STXBP5: variants seen among roughly 807,000 people sequenced by gnomAD.
STXBP5 encodes syntaxin binding protein 5.
Under a neutral mutation model 152.4 loss-of-function variants are expected in STXBP5, and 50 were observed. That is an observed-to-expected ratio of 0.33 (90% CI 0.26 to 0.42). The LOEUF is 0.42. STXBP5 is among the 10% of genes least tolerant of loss of function. STXBP5 has a pLI of 1.00. For missense variants in STXBP5, 1,167 were observed against 1,388.6 expected, an observed-to-expected ratio of 0.84 and a Z score of 2.54; for synonymous variants, 492 against 494.7, an observed-to-expected ratio of 0.99 and a Z score of 0.07.
At chr6:147,345,362 A>T (rs1784279166) in intron 21 of STXBP5, among the ~76,000 whole-genome samples, 1 of 152,202 alleles carries the variant, frequency 6.6e-6, no homozygotes, top group Admixed American at 6.5e-5. Flanking sequence ...TAAAATACAT[A>T]CGATACATGA....
At chr6:147,353,214 C>A in intron 21 of STXBP5, 109 bp from the exon 22 acceptor site, 1 of 617,442 alleles carries the variant, frequency 1.6e-6, no homozygotes, top group Non-Finnish European at 2.7e-6. Flanking sequence ...TTATTTATCT[C>A]GGCATCTAGA....
chr6:147,344,464 A>T (rs1227292853), intron 21 of STXBP5, among the ~76,000 whole-genome samples: 1 of 152,208 alleles, frequency 6.6e-6, no homozygotes, highest in African/African-American at 2.4e-5. Context: ...ACCACAAAAT[A>T]CCACAGACTG....
intron 2 of STXBP5, among the ~76,000 whole-genome samples, chr6:147,210,825 T>C (rs925271121): frequency 6.6e-6 from 1 of 152,220 alleles, no homozygotes; most frequent in Non-Finnish European, 1.5e-5. Context: ...ATTACATTAT[T>C]ATTATAATAC....
chr6:147,219,029 T>C (rs1049539132), intron 2 of STXBP5, among the ~76,000 whole-genome samples: 1 of 152,106 alleles, frequency 6.6e-6, no homozygotes, highest in Non-Finnish European at 1.5e-5. Context: ...TTGTTTCTGA[T>C]TGTAGTGGAG....
chr6:147,250,969 C>CAAA (rs887963991), intron 4 of STXBP5, among the ~76,000 whole-genome samples: 624 of 50,960 alleles, frequency 0.012, 4 homozygotes, highest in East Asian at 0.059. Flanking sequence ...ACCTTGTCTC[C>CAAA]AAAAAAAAAA....
intron 16 of STXBP5, among the ~76,000 whole-genome samples, chr6:147,320,663 T>C (rs1386045788): frequency 6.6e-6 from 1 of 152,030 alleles, no homozygotes; most frequent in Non-Finnish European, 1.5e-5. Flanking sequence ...ATGCAAATTC[T>C]TACTAACTTT....
chr6:147,372,817 C>G (rs1023674814), intron 25 of STXBP5, among the ~76,000 whole-genome samples: 1 of 152,018 alleles, frequency 6.6e-6, no homozygotes, highest in Non-Finnish European at 1.5e-5. Flanking sequence ...GTCTTTTCTC[C>G]TTTTATCATT....
chr6:147,272,942 G>T (rs1780248234), intron 7 of STXBP5, among the ~76,000 whole-genome samples: 1 of 151,948 alleles, frequency 6.6e-6, no homozygotes, highest in Non-Finnish European at 1.5e-5. Flanking sequence ...TAGATTTTGT[G>T]TGCTTGGATA....
In STXBP5 at chr6:147,267,110, A is replaced by C. The variant is rs763927474; in HGVS notation, c.657A>C (p.Thr219=). ...GKLLIGFESG[T]VVLWDLKSKK... ...TTTTGATTGGCTTTGAATCTGGAAC[A>C]GTAGTTTTATGGGACCTCAAATCAA... Residue 219 remains threonine, a synonymous_variant, in exon 7 of 28, where the codon ACA becomes ACC. Transcript: ENST00000321680. The C allele has an allele frequency of 6.2e-7, 1 of 1,611,600 alleles. No individual in the cohort carries two copies. The highest frequency in any genetic ancestry group is 1.3e-5 in the African/African-American group (1 of 74,724).
chr6:147,213,467 TGTGTGTGTGTGC>T (rs1776980464), intron 2 of STXBP5, among the ~76,000 whole-genome samples: 2 of 121,636 alleles, frequency 1.6e-5, no homozygotes, highest in African/African-American at 5.7e-5. Context: ...TGTGTGTGTG[TGTGTGTGTGTGC>T]GCGCGCATAT....
chr6:147,237,146 C>T (rs989728755), intron 3 of STXBP5, among the ~76,000 whole-genome samples: 6 of 152,040 alleles, frequency 3.9e-5, no homozygotes, highest in South Asian at 2.1e-4. Flanking sequence ...TAATAAAATG[C>T]GGTAAATCAT....
In STXBP5 at chr6:147,368,598, G is replaced by A. The variant is rs564145992; in HGVS notation, c.3081+4432G>A. Among the ~76,000 whole-genome samples, 109 of 152,192 alleles carry A rather than the reference G, an allele frequency of 7.2e-4. 2 individuals are homozygous for A. Among genetic ancestry groups the A allele is most frequent in the African/African-American group, 2.6e-3 (107 of 41,542 alleles). Reference sequence around the variant, plus strand: ...TGTTCACTCTCACCACTTACATTCAGTGTTGTAGTTAAGGTTCTAACCAGT... The same window carrying A: ...TGTTCACTCTCACCACTTACATTCAATGTTGTAGTTAAGGTTCTAACCAGT... On this transcript the variant is annotated intron_variant, in intron 25 of 27. Coordinates refer to ENST00000321680, the MANE Select transcript of STXBP5 (RefSeq NM_001127715.4).
chr6:147,278,060 G>A (rs1350652151), intron 7 of STXBP5, 21 bp from the exon 8 acceptor site: 1 of 1,585,622 alleles, frequency 6.3e-7, no homozygotes, highest in Admixed American at 1.8e-5. Flanking sequence ...TTTTTAAATG[G>A]TATTTTTCAT....
Position 147,387,668 on chromosome 6 carries a change from TATTACTAACTTCTCC to T in STXBP5, c.*2917_*2931del, listed in dbSNP as rs1279838397. 6.6e-6 allele frequency: 1 copy of T among 151,868 alleles called. No individual in the cohort carries two copies. 9.4% of individuals were successfully genotyped at this position (151,868 alleles called of 1,614,324 possible). On this transcript the variant is annotated 3_prime_UTR_variant, in exon 28 of 28. Coordinates refer to ENST00000321680, the MANE Select transcript of STXBP5 (RefSeq NM_001127715.4). ...AAAATGGTTATAGATTCGACTGAGC[TATTACTAACTTCTCC>T]ATTTGATTTTTTATGGATGTGAAAA... is the stretch of plus-strand genomic sequence containing the variant.
chr6:147,364,027 A>T lies in STXBP5; in HGVS notation c.2942A>T (p.Asp981Val). The change falls in exon 25 of 28, where the codon GAT becomes GTT. Residue 981 changes from aspartate to valine, a missense_variant. Coordinates refer to ENST00000321680, the MANE Select transcript of STXBP5 (RefSeq NM_001127715.4). ...FSLPSLRPLLDVYYLPLTNMR... is the reference protein window; with the variant it reads ...FSLPSLRPLLVVYYLPLTNMR... ...TTGCCAAGTTTAAGACCTCTGTTGG[A>T]TGTGTATTACTTGCCCCTTACCAAT... The T allele has an allele frequency of 2.5e-6, 4 of 1,613,760 alleles. No homozygotes were observed. The highest frequency in any genetic ancestry group is 3.4e-6 in the Non-Finnish European group (4 of 1,179,924).
chr6:147,364,918 T>C (rs1785226441), intron 25 of STXBP5, among the ~76,000 whole-genome samples: 1 of 152,122 alleles, frequency 6.6e-6, no homozygotes, highest in Non-Finnish European at 1.5e-5. Flanking sequence ...ACATGAGCTT[T>C]AGAGTCAAGA....
In STXBP5 at chr6:147,260,663, C is replaced by T. The variant is rs1318269675; in HGVS notation, c.480C>T (p.Gly160=). ...TCCAGAGTAAGTGGCTCTATGTGGG[C>T]ACTGAACGAGGTAATATACATATTG... ...LPFQSKWLYV[G]TERGNIHIVN... is the part of the protein sequence containing the mutation. Residue 160 remains glycine, a synonymous_variant, in exon 5 of 28, where the codon GGC becomes GGT. Coordinates refer to ENST00000321680, the MANE Select transcript of STXBP5 (RefSeq NM_001127715.4). 1 of 1,613,596 alleles carries T rather than the reference C, an allele frequency of 6.2e-7. No homozygotes were observed. The highest frequency in any genetic ancestry group is 8.5e-7 in the Non-Finnish European group (1 of 1,179,724).
At chr6:147,383,904 TTACTTGTACTA>T (rs1281198585) in intron 27 of STXBP5, among the ~76,000 whole-genome samples, 1 of 152,050 alleles carries the variant, frequency 6.6e-6, no homozygotes, top group East Asian at 1.9e-4. Context: ...TCCTTTATGA[TTACTTGTACTA>T]TACCCAGGCA....
At chr6:147,219,201 CT>C (rs1286313743) in intron 2 of STXBP5, among the ~76,000 whole-genome samples, 1 of 152,024 alleles carries the variant, frequency 6.6e-6, no homozygotes, top group African/African-American at 2.4e-5. Flanking sequence ...TGTGATTTTT[CT>C]TTTTTTAGAA....
Sources: gnomAD v4.1 joint callset for allele counts (sites outside exome capture counted in the v4.1 genomes callset) on GRCh38, gnomAD v4.1.1 for gene constraint, MANE v1.5 for transcripts, NCBI Gene and HGNC (gene_info 2026-07-23, HGNC 2026-07-21) for gene names.